CPS1: variants seen among roughly 807,000 people sequenced by gnomAD.
The protein encoded by CPS1 is carbamoyl-phosphate synthase [ammonia], mitochondrial.
CPS1 carries 109 observed loss-of-function variants against 174.6 expected under a neutral mutation model. The ratio of observed to expected loss-of-function variants is 0.62; its 90% confidence interval spans 0.53 to 0.73. CPS1 has a LOEUF of 0.73. Ranked by LOEUF, CPS1 falls within the 30% of genes least tolerant of loss-of-function variation. The pLI is 0.00. For missense variants in CPS1, 1,689 were observed against 1,821.9 expected (o/e 0.93, Z 1.33); for synonymous variants, 637 against 632.0 (o/e 1.01, Z -0.12).
chr2:210,500,824 C>T (rs936615689), intron 1 of CPS1, among the ~76,000 whole-genome samples: 4 of 152,210 alleles, frequency 2.6e-5, no homozygotes, highest in African/African-American at 9.6e-5. Context: ...CTCCACTAGG[C>T]AGTGCCCCAG....
chr2:210,555,967 A>G (rs578122447), upstream of CPS1, among the ~76,000 whole-genome samples: 5 of 152,056 alleles, frequency 3.3e-5, no homozygotes, highest in Non-Finnish European at 7.4e-5. Context: ...TTACAAATCT[A>G]AGAGGCTTAA....
intron 1 of CPS1, among the ~76,000 whole-genome samples, chr2:210,558,712 A>G (rs545111650): frequency 8.4e-4 from 128 of 152,114 alleles, no homozygotes; most frequent in African/African-American, 2.9e-3. Flanking sequence ...TTAGAATCCA[A>G]TTCTCCAAGA....
intron 18 of CPS1, 64 bp downstream of exon 18, chr2:210,607,005 A>G: frequency 7.0e-7 from 1 of 1,429,398 alleles, no homozygotes; most frequent in Non-Finnish European, 9.8e-7. Context: ...AAAAATTGAC[A>G]GATAGTGGAA....
intron 21 of CPS1, 60 bp from the exon 22 acceptor site, chr2:210,637,642 G>C: frequency 6.3e-7 from 1 of 1,577,224 alleles, no homozygotes; most frequent in Admixed American, 1.7e-5. Context: ...AATTGAACTT[G>C]TCACCGCTTT....
intron 1 of CPS1, among the ~76,000 whole-genome samples, chr2:210,562,641 T>A (rs1437435284): frequency 6.6e-6 from 1 of 152,122 alleles, no homozygotes; most frequent in Non-Finnish European, 1.5e-5. Flanking sequence ...AGAGGATGAG[T>A]ACTGAGGCGA....
chr2:210,658,423 T>C, intron 30 of CPS1, 176 bp from the exon 31 acceptor site: 1 of 584,016 alleles, frequency 1.7e-6, no homozygotes, highest in Non-Finnish European at 3.1e-6. Context: ...TATTGCATAT[T>C]ATTTTGTTAA....
chr2:210,562,499 C>T (rs1246041007), intron 1 of CPS1, among the ~76,000 whole-genome samples: 1 of 152,056 alleles, frequency 6.6e-6, no homozygotes, highest in Non-Finnish European at 1.5e-5. Context: ...AGTGTAATTC[C>T]AAGAATAAAA....
intron 1 of CPS1, among the ~76,000 whole-genome samples, chr2:210,514,981 T>C (rs1695640818): frequency 6.6e-6 from 1 of 151,748 alleles, no homozygotes; most frequent in South Asian, 2.1e-4. Flanking sequence ...TAATTCTCTT[T>C]ATGTGGTAAA....
rs575538292 is a variant in CPS1, at chr2:210,491,653, A to T, written c.3+13887A>T. ...CTGGTGTTCTGAGTGTCCTGTGGCA[A>T]TGGGAAGTTACCATCTCACCTCCAC... On this transcript the variant is annotated intron_variant, in intron 1 of 38. Transcript: ENST00000430249. 4.3e-4 allele frequency among the ~76,000 whole-genome samples: 66 copies of T among 152,142 alleles called. No individual in the cohort carries two copies. The South Asian group carries it at 0.013, about 29-fold the overall frequency.
intron 36 of CPS1, among the ~76,000 whole-genome samples, 197 bp downstream of exon 36, chr2:210,676,037 G>A (rs891637617): frequency 1.3e-5 from 2 of 152,206 alleles, no homozygotes; most frequent in Admixed American, 6.5e-5. Context: ...GATATGAAAC[G>A]TGTTTCAAAA....
At chr2:210,575,966 T>C (rs1697693932) in intron 2 of CPS1, among the ~76,000 whole-genome samples, 1 of 152,062 alleles carries the variant, frequency 6.6e-6, no homozygotes, top group Non-Finnish European at 1.5e-5. Context: ...TAAATATCAG[T>C]TTGGGCTCAA....
intron 32 of CPS1, 22 bp from the exon 33 acceptor site, chr2:210,663,101 C>G (rs1219021379): frequency 6.7e-7 from 1 of 1,499,520 alleles, no homozygotes; most frequent in Non-Finnish European, 8.9e-7. Flanking sequence ...ATTTTTCTCC[C>G]TGTTTTTTTT....
chr2:210,653,894 T>C, intron 28 of CPS1, 131 bp from the exon 29 acceptor site: 1 of 739,322 alleles, frequency 1.4e-6, no homozygotes, highest in Non-Finnish European at 2.4e-6. Flanking sequence ...TGAGTTTATG[T>C]AGTTATGTTC....
chr2:210,553,070 T>A (rs989253841), upstream of CPS1, among the ~76,000 whole-genome samples: 1 of 151,896 alleles, frequency 6.6e-6, no homozygotes, highest in African/African-American at 2.4e-5. Context: ...AATATTGACA[T>A]GCATTGTAGC....
chr2:210,653,032 G>A (rs563728845), intron 28 of CPS1, among the ~76,000 whole-genome samples: 5 of 152,272 alleles, frequency 3.3e-5, no homozygotes, highest in Non-Finnish European at 5.9e-5. Flanking sequence ...TCATGATAGT[G>A]GTCAGAAGGA....
chr2:210,543,976 C>A (rs1406936397), intron 1 of CPS1, among the ~76,000 whole-genome samples: 1 of 152,038 alleles, frequency 6.6e-6, no homozygotes, highest in East Asian at 1.9e-4. Flanking sequence ...AATTTGTGTT[C>A]CTTTGGTGCT....
chr2:210,653,797 G>A (rs1700626738), intron 28 of CPS1, among the ~76,000 whole-genome samples: 1 of 152,132 alleles, frequency 6.6e-6, no homozygotes, highest in Non-Finnish European at 1.5e-5. Context: ...CTCATGGTCA[G>A]TTTGCTGAGC....
intron 13 of CPS1, among the ~76,000 whole-genome samples, chr2:210,597,011 G>T (rs1031934212): frequency 2.0e-5 from 3 of 151,776 alleles, no homozygotes; most frequent in Non-Finnish European, 2.9e-5. Flanking sequence ...TTGCAATAAG[G>T]TTTAAAATAA....
chr2:210,480,744 C>CT (rs1694545437), intron 1 of CPS1, among the ~76,000 whole-genome samples: 1 of 152,160 alleles, frequency 6.6e-6, no homozygotes, highest in Admixed American at 6.5e-5. Flanking sequence ...CCACTTGTCT[C>CT]TTTTTTTGTT....
Sources: allele counts gnomAD v4.1 joint callset (sites outside exome capture counted in the v4.1 genomes callset), GRCh38; gene constraint gnomAD v4.1.1; transcripts MANE v1.5; gene names NCBI Gene and HGNC (gene_info 2026-07-23, HGNC 2026-07-21).